SLC9A9: variants seen among roughly 807,000 people sequenced by gnomAD.
The protein encoded by SLC9A9 is sodium/hydrogen exchanger 9.
In SLC9A9, 62 loss-of-function variants were observed where a neutral mutation model predicts 77.8. The ratio of observed to expected loss-of-function variants is 0.80; its 90% CI spans 0.65 to 0.98. SLC9A9 has a LOEUF of 0.98. Ranked by LOEUF, SLC9A9 falls within the 50% of genes least tolerant of loss-of-function variation. SLC9A9 has a pLI of 0.00. For synonymous variants in SLC9A9, 320 were observed against 283.5 expected (o/e 1.13, Z -1.29); for missense variants, 775 against 774.9 (o/e 1.00, Z 0.00).
chr3:143,724,424 T>A (rs1934585371), intron 4 of SLC9A9, among the ~76,000 whole-genome samples: 1 of 152,208 alleles, frequency 6.6e-6, no homozygotes, highest in Admixed American at 6.5e-5. Flanking sequence ...TCTCAGGTAG[T>A]TCTTTATAGC....
intron 4 of SLC9A9, among the ~76,000 whole-genome samples, chr3:143,739,782 A>T: frequency 6.6e-6 from 1 of 152,158 alleles, no homozygotes; most frequent in East Asian, 1.9e-4. Flanking sequence ...TGTGCTCTCT[A>T]TACCCACAGC....
At chr3:143,747,654 G>A (rs546773839) in intron 4 of SLC9A9, among the ~76,000 whole-genome samples, 5 of 152,322 alleles carry the variant, frequency 3.3e-5, no homozygotes, top group Admixed American at 2.0e-4. Flanking sequence ...AATGCCAGCG[G>A]CTGCCAGAAG....
intron 9 of SLC9A9, among the ~76,000 whole-genome samples, chr3:143,514,818 A>G (rs2036176404): frequency 6.6e-6 from 1 of 152,162 alleles, no homozygotes; most frequent in Non-Finnish European, 1.5e-5. Flanking sequence ...AGACCACTAA[A>G]ACTTTCTCTA....
intron 8 of SLC9A9, among the ~76,000 whole-genome samples, chr3:143,555,937 C>G (rs2036971936): frequency 6.6e-6 from 1 of 152,182 alleles, no homozygotes; most frequent in South Asian, 2.1e-4. Context: ...TGATCTGACC[C>G]TTAGTATTAG....
intron 14 of SLC9A9, among the ~76,000 whole-genome samples, chr3:143,362,978 T>C (rs541805865): frequency 6.6e-6 from 1 of 152,254 alleles, no homozygotes; most frequent in Non-Finnish European, 1.5e-5. Context: ...TCTGATGAAC[T>C]GGACTCATCT....
chr3:143,815,758 C>A (rs1178824612), intron 2 of SLC9A9, among the ~76,000 whole-genome samples: 1 of 151,982 alleles, frequency 6.6e-6, no homozygotes, highest in Admixed American at 6.6e-5. Flanking sequence ...CCCAGCTATT[C>A]AGGAGGCTGA....
At chr3:143,356,855 G>C (rs1248322495) in intron 14 of SLC9A9, among the ~76,000 whole-genome samples, 1 of 152,144 alleles carries the variant, frequency 6.6e-6, no homozygotes, top group Non-Finnish European at 1.5e-5. Context: ...TAGGTGCTAA[G>C]TCAAAGACTT....
chr3:143,495,357 G>A lies in SLC9A9; in HGVS notation c.1181C>T (p.Ala394Val), dbSNP rs779642511. 9 of 1,613,636 alleles carry A rather than the reference G, an allele frequency of 5.6e-6. No individual in the cohort carries two copies. The highest frequency in any genetic ancestry group is 1.6e-4 in the Middle Eastern group (1 of 6,062). ...LFTFQNHIFN[A>V]LFILGAFLAI... ...TACAAAGGCTCCAAGTATAAAAAGA[G>A]CATTAAAGATATGATTCTGGAACGT... Residue 394 changes from alanine (A) to valine (V), a missense_variant, in exon 10 of 16, where the codon GCT becomes GTT. Physicochemically the swap from Ala to Val is moderately conservative, Grantham distance 64. Transcript: ENST00000316549.
At chr3:143,605,463 T>A (rs145042958) in intron 6 of SLC9A9, among the ~76,000 whole-genome samples, 13 of 152,350 alleles carry the variant, frequency 8.5e-5, no homozygotes, top group Non-Finnish European at 1.6e-4. Flanking sequence ...AGGGCTGCAG[T>A]GTTGGAACAT....
At chr3:143,739,363 G>A (rs1052724428) in intron 4 of SLC9A9, among the ~76,000 whole-genome samples, 7 of 151,988 alleles carry the variant, frequency 4.6e-5, no homozygotes, top group African/African-American at 9.7e-5. Context: ...TATATTTCCC[G>A]TTATCCCATA....
chr3:143,465,212 C>T (rs1166237685), intron 12 of SLC9A9, among the ~76,000 whole-genome samples: 4 of 152,170 alleles, frequency 2.6e-5, no homozygotes, highest in Admixed American at 2.6e-4. Context: ...AGGCTGACTA[C>T]CAGGCACTTC....
chr3:143,779,941 C>T (rs778766115), intron 4 of SLC9A9, among the ~76,000 whole-genome samples: 4 of 152,120 alleles, frequency 2.6e-5, no homozygotes, highest in Non-Finnish European at 4.4e-5. Context: ...TTACTTTGTA[C>T]TTTTGAGGAT....
intron 4 of SLC9A9, among the ~76,000 whole-genome samples, chr3:143,781,012 G>A (rs1414378144): frequency 6.6e-6 from 1 of 152,088 alleles, no homozygotes; most frequent in African/African-American, 2.4e-5. Context: ...TAAGAAGAAA[G>A]TATTGAAAAT....
chr3:143,665,002 A>C (rs1486992058), intron 5 of SLC9A9, among the ~76,000 whole-genome samples: 1 of 152,242 alleles, frequency 6.6e-6, no homozygotes, highest in African/African-American at 2.4e-5. Flanking sequence ...ACATCTACAG[A>C]ACTCTCCACC....
Position 143,580,500 on chromosome 3 carries a change from A to G in SLC9A9, c.756-1777T>C, listed in dbSNP as rs530325145. On this transcript the variant is annotated intron_variant, in intron 6 of 15. Coordinates refer to ENST00000316549, the MANE Select transcript of SLC9A9 (RefSeq NM_173653.4). ...ATCACATCATTTGGCCATACCCTGT[A>G]CCATTATTTATGTACGTTTTTCTTT... Among the ~76,000 whole-genome samples the G allele has an allele frequency of 3.9e-5, 6 of 152,288 alleles. No individual in the cohort carries two copies. The South Asian group carries it at 1.2e-3, about 32-fold the overall frequency.
At chr3:143,364,443 T>C (rs564141104) in intron 13 of SLC9A9, among the ~76,000 whole-genome samples, 25 of 152,316 alleles carry the variant, frequency 1.6e-4, no homozygotes, top group Middle Eastern at 3.4e-3. Context: ...GCCCAAGTTG[T>C]GTCATGAGTT....
At chr3:143,715,793 G>T (rs1934328522) in intron 4 of SLC9A9, among the ~76,000 whole-genome samples, 1 of 152,236 alleles carries the variant, frequency 6.6e-6, no homozygotes, top group Non-Finnish European at 1.5e-5. Flanking sequence ...AAGGTCAAGT[G>T]AGGGCAGCAT....
chr3:143,535,124 C>T (rs2036571850), intron 9 of SLC9A9, among the ~76,000 whole-genome samples: 1 of 152,070 alleles, frequency 6.6e-6, no homozygotes, highest in Non-Finnish European at 1.5e-5. Context: ...TATATGTTAC[C>T]ACTTAAATCA....
intron 4 of SLC9A9, among the ~76,000 whole-genome samples, chr3:143,746,632 A>G (rs907932757): frequency 2.0e-5 from 3 of 152,306 alleles, no homozygotes; most frequent in Non-Finnish European, 4.4e-5. Context: ...TCAGGAAAAA[A>G]GCCTGTCATC....
Sources: allele counts gnomAD v4.1 joint callset (sites outside exome capture counted in the v4.1 genomes callset), GRCh38; gene constraint gnomAD v4.1.1; transcripts MANE v1.5; gene names NCBI Gene and HGNC (gene_info 2026-07-23, HGNC 2026-07-21).